ELOC: variants seen among roughly 807,000 people sequenced by gnomAD.
The protein encoded by ELOC is elongin-C.
For missense variants in ELOC, 38 were observed against 139.0 expected (o/e 0.27, Z 3.65); for synonymous variants, 40 against 51.3 (o/e 0.78, Z 0.94).
chr8:73,952,587 C>T (rs1040856293), intron 3 of ELOC, among the ~76,000 whole-genome samples: 5 of 150,370 alleles, frequency 3.3e-5, no homozygotes, highest in East Asian at 2.0e-4. Context: ...AAGACCTTCC[C>T]GGCTAACACA....
At position 73,971,046 on chromosome 8, in the gene ELOC, A is replaced by AAAAAAAAAG. The variant is rs1009857839; in HGVS notation, c.-51+1030_-51+1031insCTTTTTTTT. ...AGACTCCGTCTCAAAAAAAAAAAAAAAAAAAGAAAAAGAAAAAAAGCAAAT... is the reference window on the plus strand; with the variant it reads ...AGACTCCGTCTCAAAAAAAAAAAAAAAAAAAAAAGAAAAAGAAAAAGAAAAAAAGCAAAT... On this transcript the variant is annotated intron_variant, in intron 1 of 3. Transcript: ENST00000520242. Among the ~76,000 whole-genome samples, 412 of 149,760 alleles carry AAAAAAAAAG rather than the reference A, an allele frequency of 2.8e-3. 1 individual carries two copies. The highest frequency in any genetic ancestry group is 9.3e-3 in the African/African-American group (373 of 40,264).
At chr8:73,963,877 G>A (rs1397940055) in intron 1 of ELOC, among the ~76,000 whole-genome samples, 1 of 152,094 alleles carries the variant, frequency 6.6e-6, no homozygotes, top group Admixed American at 6.6e-5. Flanking sequence ...TGGATCACCT[G>A]AGGTCAGGAG....
chr8:73,951,664 C>CAACAACAACAA (rs1249348319), intron 3 of ELOC, among the ~76,000 whole-genome samples: 1 of 151,658 alleles, frequency 6.6e-6, no homozygotes, highest in African/African-American at 2.4e-5. Flanking sequence ...ACAACAACAA[C>CAACAACAACAA]AACAACAACA....
intron 1 of ELOC, among the ~76,000 whole-genome samples, chr8:73,971,622 A>C (rs1052280431): frequency 2.0e-4 from 31 of 152,104 alleles, no homozygotes; most frequent in Non-Finnish European, 4.0e-4. Flanking sequence ...GAAGTCGAGC[A>C]TAGAATCACC....
chr8:73,958,133 T>C (rs1343321283), intron 2 of ELOC, among the ~76,000 whole-genome samples: 1 of 150,938 alleles, frequency 6.6e-6, no homozygotes, highest in Non-Finnish European at 1.5e-5. Context: ...CCTTGCTCTG[T>C]TACCCAGGCT....
chr8:73,948,977 CTTTG>C (rs549661937), intron 3 of ELOC, among the ~76,000 whole-genome samples: 49 of 152,134 alleles, frequency 3.2e-4, no homozygotes, highest in Middle Eastern at 6.8e-3. Flanking sequence ...AGACATTTTC[CTTTG>C]TTTAACAGCA....
chr8:73,957,935 C>T (rs1239774800), intron 2 of ELOC, among the ~76,000 whole-genome samples: 1 of 151,908 alleles, frequency 6.6e-6, no homozygotes, highest in Non-Finnish European at 1.5e-5. Context: ...CCCACCACCA[C>T]GGCTGGCTAA....
chr8:73,955,605 CAAA>C (rs745881399), intron 3 of ELOC: 624 of 188,774 alleles, frequency 3.3e-3, no homozygotes, highest in South Asian at 7.6e-3. Flanking sequence ...GACTCTGTCT[CAAA>C]AAAAAAAAAA....
chr8:73,971,883 G>A (rs1563692660), intron 1 of ELOC, 194 bp downstream of exon 1: 2 of 152,312 alleles, frequency 1.3e-5, no homozygotes, highest in African/African-American at 2.4e-5. Context: ...GCGGCGCCAG[G>A]AAAGGTCCCG....
intron 3 of ELOC, among the ~76,000 whole-genome samples, chr8:73,952,178 T>C (rs1433329016): frequency 6.6e-6 from 1 of 152,024 alleles, no homozygotes; most frequent in Admixed American, 6.6e-5. Context: ...CCAAGGTCAG[T>C]GGATCACTTG....
At chr8:73,949,825 T>C (rs1310061515) in intron 3 of ELOC, among the ~76,000 whole-genome samples, 2 of 152,256 alleles carry the variant, frequency 1.3e-5, no homozygotes, top group African/African-American at 4.8e-5. Context: ...ATCAAATTTA[T>C]AAAAAGCAAA....
intron 1 of ELOC, chr8:73,964,660 G>A (rs1360976271): frequency 6.6e-6 from 1 of 152,034 alleles, no homozygotes; most frequent in Non-Finnish European, 1.5e-5. Context: ...TCTCAGAAAA[G>A]ATGCAAAAAG....
chr8:73,968,700 G>A (rs1815158726), intron 1 of ELOC, among the ~76,000 whole-genome samples: 1 of 152,088 alleles, frequency 6.6e-6, no homozygotes, highest in Admixed American at 6.6e-5. Context: ...TTCCACTTAA[G>A]CAATGATTGA....
intron 3 of ELOC, among the ~76,000 whole-genome samples, chr8:73,953,853 G>T (rs1199235378): frequency 1.3e-5 from 2 of 152,016 alleles, no homozygotes; most frequent in African/African-American, 4.8e-5. Context: ...ACACCCAAAA[G>T]AACTCAAAGC....
intron 1 of ELOC, among the ~76,000 whole-genome samples, chr8:73,971,032 C>CAAAAAAAAAAAAAAAAAAAAA (rs67188912): frequency 1.1e-4 from 7 of 62,034 alleles, no homozygotes; most frequent in Non-Finnish European, 1.5e-4. Flanking sequence ...GACTCCGTCT[C>CAAAAAAAAAAAAAAAAAAAAA]AAAAAAAAAA....
At chr8:73,954,151 A>C (rs926075456) in intron 3 of ELOC, among the ~76,000 whole-genome samples, 1 of 152,218 alleles carries the variant, frequency 6.6e-6, no homozygotes, top group Non-Finnish European at 1.5e-5. Context: ...TAGAAAGCAG[A>C]CTGGTGGTAG....
At chr8:73,962,784 T>C (rs550297552) in intron 1 of ELOC, among the ~76,000 whole-genome samples, 3 of 152,296 alleles carry the variant, frequency 2.0e-5, no homozygotes, top group Admixed American at 2.0e-4. Flanking sequence ...ATTCCATCAT[T>C]TTATACAACA....
In ELOC at chr8:73,959,259, G is replaced by A. The variant is rs374672526; in HGVS notation, c.4+506C>T. 2.3e-4 allele frequency among the ~76,000 whole-genome samples: 35 copies of A among 152,072 alleles called. 1 individual carries two copies. The highest frequency in any genetic ancestry group is 6.6e-5 in the Admixed American group (1 of 15,248). ...ATTTACCTGTTGCCCAGGCTGGAGC[G>A]CAGTCGTGCAATCATAGCTTATTTC... On this transcript the variant is annotated intron_variant, in intron 2 of 3. Transcript: ENST00000520242.
intron 3 of ELOC, among the ~76,000 whole-genome samples, chr8:73,948,501 T>C (rs1813528932): frequency 6.6e-6 from 1 of 152,014 alleles, no homozygotes; most frequent in Non-Finnish European, 1.5e-5. Flanking sequence ...ATCCAGGAGG[T>C]GGAAGTTGCA....
Sources: gnomAD v4.1 joint callset for allele counts (sites outside exome capture counted in the v4.1 genomes callset) on GRCh38, gnomAD v4.1.1 for gene constraint, MANE v1.5 for transcripts, NCBI Gene and HGNC (gene_info 2026-07-23, HGNC 2026-07-21) for gene names.